ATOH8: variants seen among roughly 807,000 people sequenced by gnomAD.
The protein encoded by ATOH8 is transcription factor ATOH8.
Under a neutral mutation model 21.2 loss-of-function variants are expected in ATOH8, and 9 were observed. That is an observed-to-expected ratio of 0.42 (90% CI 0.26 to 0.74). The LOEUF (loss-of-function observed/expected upper bound fraction) is 0.74, where lower values mean the gene tolerates loss of function less well. Among genes scored for constraint, ATOH8 ranks in the 30% least tolerant of loss-of-function variants. ATOH8 has a pLI of 0.24. For synonymous variants in ATOH8, 253 were observed against 224.0 expected (o/e 1.13, Z -1.16); for missense variants, 524 against 470.9 (o/e 1.11, Z -1.04).
chr2:85,768,481 GC>G (rs1680085468), intron 2 of ATOH8, among the ~76,000 whole-genome samples: 1 of 152,236 alleles, frequency 6.6e-6, no homozygotes, highest in South Asian at 2.1e-4. Context: ...GCAGATGCCT[GC>G]TGTAGCAGCT....
chr2:85,773,620 C>G (rs918141658), intron 2 of ATOH8: 2 of 152,222 alleles, frequency 1.3e-5, no homozygotes, highest in African/African-American at 4.8e-5. Context: ...TGGGCTGCCT[C>G]CCCAGATCCA....
intron 2 of ATOH8, among the ~76,000 whole-genome samples, chr2:85,765,209 G>A (rs1455397433): frequency 6.6e-6 from 1 of 152,208 alleles, no homozygotes; most frequent in Non-Finnish European, 1.5e-5. Context: ...AGGGCAGGGG[G>A]CGGACCCTGT....
rs963129209 is a variant in ATOH8 at position 85,787,483 on chromosome 2, G to A, written c.*593G>A. On this transcript the variant is annotated 3_prime_UTR_variant, in exon 3 of 3. Transcript: ENST00000306279. ...GGGTGCCTGGGCGGGGCTGGGAGTG[G>A]GACCTGAGATCCCTGCCCACTCTCT... 6.5e-6 allele frequency: 1 copy of A among 153,144 alleles called. No homozygotes were observed. The highest frequency in any genetic ancestry group is 1.5e-5 in the Non-Finnish European group (1 of 68,426). The allele number at this position is 153,144 out of a possible 1,614,324, so 9.5% of individuals were successfully genotyped here.
intron 1 of ATOH8, among the ~76,000 whole-genome samples, chr2:85,763,537 G>A (rs375435570): frequency 2.0e-5 from 3 of 152,136 alleles, no homozygotes; most frequent in East Asian, 3.8e-4. Flanking sequence ...TCGAGTGTAA[G>A]TTCTCTAAAG....
rs1167705422 is a variant in ATOH8 at position 85,768,401 on chromosome 2, G to A, written c.960+4219G>A. Among the ~76,000 whole-genome samples the A allele has an allele frequency of 2.0e-5, 3 of 152,276 alleles. No individual in the cohort carries two copies. In the East Asian group the frequency reaches 5.8e-4, roughly 30 times the overall value. The stretch of plus-strand genomic sequence containing the variant: ...TAAAGCCTTAGGGTAGAGGACTGCT[G>A]ACAGGCCTGTCAGGCAGGGTTGCAG... On this transcript the variant is annotated intron_variant, in intron 2 of 2. Coordinates refer to ENST00000306279, the MANE Select transcript of ATOH8 (RefSeq NM_032827.7).
chr2:85,786,814 T>G (rs1680632789), intron 2 of ATOH8, 71 bp from the exon 3 acceptor site: 1 of 1,608,092 alleles, frequency 6.2e-7, no homozygotes, highest in Non-Finnish European at 8.5e-7. Flanking sequence ...TGAAGGGACA[T>G]TCTGCAGCTG....
intron 2 of ATOH8, among the ~76,000 whole-genome samples, chr2:85,768,056 G>A (rs1292406288): frequency 6.6e-6 from 1 of 152,208 alleles, no homozygotes; most frequent in African/African-American, 2.4e-5. Flanking sequence ...TGGGACAGGA[G>A]CGTGGGCCCA....
chr2:85,776,181 G>C (rs1202965783), intron 2 of ATOH8, among the ~76,000 whole-genome samples: 1 of 152,204 alleles, frequency 6.6e-6, no homozygotes, highest in African/African-American at 2.4e-5. Flanking sequence ...GCAGGGCTGG[G>C]TGGGGCTTGG....
At chr2:85,781,355 T>C (rs1680489439) in intron 2 of ATOH8, among the ~76,000 whole-genome samples, 1 of 150,160 alleles carries the variant, frequency 6.7e-6, no homozygotes, top group Admixed American at 6.6e-5. Context: ...TCACTTGAGG[T>C]CAGGAGTTCA....
chr2:85,767,666 C>T (rs1469099171), intron 2 of ATOH8, among the ~76,000 whole-genome samples: 1 of 102,634 alleles, frequency 9.7e-6, no homozygotes, highest in Non-Finnish European at 2.1e-5. Flanking sequence ...CCACATAGTC[C>T]CCACCATCAT....
chr2:85,770,041 C>T (rs971551241), intron 2 of ATOH8, among the ~76,000 whole-genome samples: 1 of 152,194 alleles, frequency 6.6e-6, no homozygotes, highest in Non-Finnish European at 1.5e-5. Flanking sequence ...ATTTGAAAGT[C>T]GCTCCTAGAG....
chr2:85,758,679 G>A lies in ATOH8; in HGVS notation c.768+3722G>A, dbSNP rs549212996. The stretch of plus-strand genomic sequence containing the variant: ...GGCCGCAGGTGGGGAGGTGCAGGTG[G>A]GAGAGAGGCCCTCTGGTCTGGTCTG... On this transcript the variant is annotated intron_variant, in intron 1 of 2. Transcript: ENST00000306279. 8.5e-5 allele frequency among the ~76,000 whole-genome samples: 13 copies of A among 152,352 alleles called. No homozygotes were observed. In the East Asian group the frequency reaches 2.5e-3, roughly 29 times the overall value.
intron 2 of ATOH8, among the ~76,000 whole-genome samples, chr2:85,771,094 T>C (rs978982932): frequency 2.0e-5 from 3 of 152,018 alleles, no homozygotes; most frequent in African/African-American, 7.2e-5. Flanking sequence ...CTGTGTAGGG[T>C]GGGGGCTAAC....
rs1573516113 is a variant in ATOH8 at position 85,754,046 on chromosome 2, C to A, written c.-144C>A. 3.9e-6 allele frequency: 4 copies of A among 1,033,866 alleles called. No individual in the cohort carries two copies. The highest frequency in any genetic ancestry group is 6.8e-5 in the East Asian group (2 of 29,472). The allele number at this position is 1,033,866 out of a possible 1,614,324, so 64.0% of individuals were successfully genotyped here. A position where few individuals can be genotyped will look rare whatever the true frequency, so the allele number is the denominator to read the frequency against. On this transcript the variant is annotated 5_prime_UTR_variant, in exon 1 of 3. Transcript: ENST00000306279. ...CAGCCCGGCGGCTTCCCGAAGCCGG[C>A]GGCGCAGCTGCCCGGGGCGAGGGGG...
At chr2:85,768,800 G>A (rs1680097549) in intron 2 of ATOH8, among the ~76,000 whole-genome samples, 1 of 152,194 alleles carries the variant, frequency 6.6e-6, no homozygotes, top group Non-Finnish European at 1.5e-5. Flanking sequence ...CTTGGCCAGT[G>A]AATCCTCCCC....
At chr2:85,781,779 G>C (rs1680503422) in intron 2 of ATOH8, among the ~76,000 whole-genome samples, 1 of 151,880 alleles carries the variant, frequency 6.6e-6, no homozygotes, top group Non-Finnish European at 1.5e-5. Flanking sequence ...ACAGGAGGCT[G>C]ATTGGGGAGA....
intron 2 of ATOH8, 72 bp from the exon 3 acceptor site, chr2:85,786,813 A>G: frequency 6.2e-7 from 1 of 1,610,554 alleles, no homozygotes; most frequent in Middle Eastern, 2.0e-4. Context: ...GTGAAGGGAC[A>G]TTCTGCAGCT....
intron 2 of ATOH8, among the ~76,000 whole-genome samples, chr2:85,781,971 A>G (rs1250447252): frequency 6.6e-6 from 1 of 152,190 alleles, no homozygotes; most frequent in Admixed American, 6.5e-5. Context: ...CCCCCAGCTG[A>G]CTCTGGGGCC....
At chr2:85,778,468 T>G (rs1278939120) in intron 2 of ATOH8, among the ~76,000 whole-genome samples, 1 of 152,156 alleles carries the variant, frequency 6.6e-6, no homozygotes, top group Non-Finnish European at 1.5e-5. Context: ...AAAACTGCAT[T>G]TGCATGGAAC....
Sources: gnomAD v4.1 joint callset for allele counts (sites outside exome capture counted in the v4.1 genomes callset) on GRCh38, gnomAD v4.1.1 for gene constraint, MANE v1.5 for transcripts, NCBI Gene and HGNC (gene_info 2026-07-23, HGNC 2026-07-21) for gene names.